Variants in CARD8 observed in about 807,000 individuals in gnomAD.
The protein encoded by CARD8 is caspase recruitment domain family member 8.
Under a neutral mutation model 53.2 loss-of-function variants are expected in CARD8, and 38 were observed. The ratio of observed to expected loss-of-function variants is 0.71; its 90% CI spans 0.55 to 0.94. The LOEUF is 0.94. Ranked by LOEUF, CARD8 falls within the 40% of genes least tolerant of loss-of-function variation. The probability of loss-of-function intolerance (pLI) is 0.00; values close to 1 mark genes in which losing one functional copy is unlikely to be tolerated. For missense variants in CARD8, 561 were observed against 655.5 expected, an observed-to-expected ratio of 0.86 and a Z score of 1.57; for synonymous variants, 245 against 244.9, an observed-to-expected ratio of 1.00 and a Z score of 0.00.
chr19:48,215,492 G>T, intron 12 of CARD8, 108 bp from the exon 13 acceptor site: 2 of 748,626 alleles, frequency 2.7e-6, no homozygotes, highest in Non-Finnish European at 4.6e-6. Flanking sequence ...TTCTACATAT[G>T]TCATAAGGCT....
chr19:48,229,234 G>A (rs930387931), intron 10 of CARD8, among the ~76,000 whole-genome samples: 2 of 152,020 alleles, frequency 1.3e-5, no homozygotes, highest in African/African-American at 4.8e-5. Context: ...CAGGCTCACA[G>A]AGCTGACAGT....
chr19:48,244,856 C>G (rs930645647), intron 3 of CARD8, among the ~76,000 whole-genome samples: 2 of 151,506 alleles, frequency 1.3e-5, no homozygotes, highest in Non-Finnish European at 2.9e-5. Flanking sequence ...AAATGATGGA[C>G]CCAAGTTAAC....
At chr19:48,251,852 G>A (rs1044310055) in intron 1 of CARD8, among the ~76,000 whole-genome samples, 1 of 152,028 alleles carries the variant, frequency 6.6e-6, no homozygotes, top group Admixed American at 6.6e-5. Flanking sequence ...AGACACCGGC[G>A]GAGAGCCCAG....
At chr19:48,254,096 C>T (rs4544344) in intron 1 of CARD8, among the ~76,000 whole-genome samples, 35,082 of 152,056 alleles carry the variant, frequency 0.23, 4,161 homozygotes, top group Middle Eastern at 0.33. Context: ...AATATATGTA[C>T]AATGAGTTAT....
intron 3 of CARD8, among the ~76,000 whole-genome samples, chr19:48,244,189 A>G (rs910979315): frequency 6.6e-6 from 1 of 152,138 alleles, no homozygotes; most frequent in Non-Finnish European, 1.5e-5. Flanking sequence ...TACTGGGAAT[A>G]TGTATCAAGG....
At chr19:48,231,594 C>T (rs1420583086) in intron 8 of CARD8, 66 bp downstream of exon 8, 15 of 1,480,764 alleles carry the variant, frequency 1.0e-5, no homozygotes, top group African/African-American at 7.0e-5. Context: ...TGAGCCACCA[C>T]GCCTGGCCTA....
At chr19:48,246,837 C>T (rs1345067169) in intron 3 of CARD8, among the ~76,000 whole-genome samples, 2 of 152,182 alleles carry the variant, frequency 1.3e-5, no homozygotes, top group Non-Finnish European at 2.9e-5. Context: ...ATCTGACATT[C>T]TGATATTGCT....
intron 7 of CARD8, 48 bp from the exon 8 acceptor site, chr19:48,231,858 C>T (rs528616886): frequency 1.3e-6 from 2 of 1,587,700 alleles, no homozygotes; most frequent in South Asian, 1.1e-5. Context: ...TTGGAAGAGG[C>T]ATGGCCTGAA....
chr19:48,247,050 G>A (rs1038414026), intron 3 of CARD8, among the ~76,000 whole-genome samples: 10 of 152,270 alleles, frequency 6.6e-5, no homozygotes, highest in Non-Finnish European at 1.2e-4. Context: ...GAGGCCAGGC[G>A]CTATGGCTCA....
intron 4 of CARD8, among the ~76,000 whole-genome samples, chr19:48,240,598 G>A (rs566247642): frequency 3.9e-5 from 6 of 151,978 alleles, no homozygotes; most frequent in Non-Finnish European, 8.8e-5. Context: ...ATGAAACCCC[G>A]TCTCTACTAA....
intron 1 of CARD8, among the ~76,000 whole-genome samples, chr19:48,254,131 G>C (rs2047286206): frequency 6.6e-6 from 1 of 152,212 alleles, no homozygotes; most frequent in Non-Finnish European, 1.5e-5. Flanking sequence ...TGAGCCAGGT[G>C]AAGTAGTACA....
chr19:48,225,185 A>C (rs1026473750), intron 10 of CARD8, among the ~76,000 whole-genome samples: 1 of 152,166 alleles, frequency 6.6e-6, no homozygotes. Context: ...AAGAGGGTAC[A>C]GTGATCAAGA....
At chr19:48,225,715 G>C (rs2145937107) in intron 10 of CARD8, among the ~76,000 whole-genome samples, 1 of 152,114 alleles carries the variant, frequency 6.6e-6, no homozygotes, top group African/African-American at 2.4e-5. Flanking sequence ...AGTGAGAAGA[G>C]AGTGATAGGA....
chr19:48,205,530 C>A (rs567071701), downstream of CARD8, among the ~76,000 whole-genome samples: 65 of 152,218 alleles, frequency 4.3e-4, no homozygotes, highest in Non-Finnish European at 7.4e-4. Flanking sequence ...GCGCCTGGCC[C>A]ATATACAATT....
chr19:48,248,431 T>C (rs2046457700), intron 3 of CARD8, among the ~76,000 whole-genome samples: 1 of 152,002 alleles, frequency 6.6e-6, no homozygotes, highest in African/African-American at 2.4e-5. Context: ...AACAGAGAAA[T>C]GAATTAATGA....
chr19:48,232,540 A>T lies in CARD8; in HGVS notation c.351-47T>A, dbSNP rs1005087048. 4 of 1,460,150 alleles carry T rather than the reference A, an allele frequency of 2.7e-6. No individual in the cohort carries two copies. In the African/African-American group the frequency reaches 4.2e-5, roughly 15 times the overall value. 90.4% of individuals were successfully genotyped at this position (1,460,150 alleles called of 1,614,324 possible). ...TTACAAAAAGATGAAAAACATCAAGAATCAGTTGATGAAGATGAAGACGAT... is the reference window on the plus strand; with the variant it reads ...TTACAAAAAGATGAAAAACATCAAGTATCAGTTGATGAAGATGAAGACGAT... On this transcript the variant is annotated intron_variant, in intron 6 of 13. Coordinates refer to ENST00000651546, the MANE Select transcript of CARD8 (RefSeq NM_001184900.3).
chr19:48,252,828 C>CACACAG (rs2047108471), intron 1 of CARD8, among the ~76,000 whole-genome samples: 2 of 151,956 alleles, frequency 1.3e-5, no homozygotes, highest in Non-Finnish European at 2.9e-5. Flanking sequence ...CACACACACA[C>CACACAG]ACACACACAT....
rs1011586949 is a variant in CARD8, at chr19:48,234,335, T to C, written c.350+68A>G. 5.4e-6 allele frequency: 8 copies of C among 1,484,626 alleles called. No individual in the cohort carries two copies. In the African/African-American group the frequency reaches 1.1e-4, roughly 21 times the overall value. 92.0% of individuals were successfully genotyped at this position (1,484,626 alleles called of 1,614,324 possible). On this transcript the variant is annotated intron_variant, in intron 6 of 13. Transcript: ENST00000651546. ...ATGAAAAACACCCAAATTCCTCTAATTCTCATGTTCCTCTGTGATATTGAG... is the reference window on the plus strand; with the variant it reads ...ATGAAAAACACCCAAATTCCTCTAACTCTCATGTTCCTCTGTGATATTGAG...
At position 48,238,495 on chromosome 19, in the gene CARD8, G is replaced by A. The variant is rs2044321916; in HGVS notation, c.97C>T (p.Leu33Phe). ...GSSRNIDASK[L>F]IRLQGSRKLL... The stretch of plus-strand genomic sequence containing the variant: ...TTCCGTGATCCTTGTAGTCTAATGA[G>A]TTTGGATGCATCTATGTTCCTACTG... Residue 33 changes from leucine to phenylalanine, a missense_variant, in exon 5 of 14, where the codon CTC (leucine) becomes TTC (phenylalanine). Leu to Phe is a conservative substitution (Grantham distance 22). Transcript: ENST00000651546. The A allele has an allele frequency of 4.6e-6, 7 of 1,536,442 alleles. No individual in the cohort carries two copies. Among genetic ancestry groups the A allele is most frequent in the Non-Finnish European group, 6.1e-6 (7 of 1,146,958 alleles).
Sources: gnomAD v4.1 joint callset for allele counts (sites outside exome capture counted in the v4.1 genomes callset) on GRCh38, gnomAD v4.1.1 for gene constraint, MANE v1.5 for transcripts, NCBI Gene and HGNC (gene_info 2026-07-23, HGNC 2026-07-21) for gene names.